PCSK4: variants seen among roughly 807,000 people sequenced by gnomAD.
PCSK4 encodes the protein proprotein convertase subtilisin/kexin type 4, also known as testicular tissue protein Li 135.
A neutral mutation model predicts 80.3 loss-of-function variants in PCSK4; 64 were observed. The ratio of observed to expected loss-of-function variants is 0.80; its 90% confidence interval spans 0.65 to 0.98. The LOEUF (loss-of-function observed/expected upper bound fraction) is 0.98, where lower values mean the gene tolerates loss of function less well. PCSK4 is among the 50% of genes least tolerant of loss of function. The probability of loss-of-function intolerance (pLI) is 0.00; values close to 1 mark genes in which losing one functional copy is unlikely to be tolerated. For synonymous variants in PCSK4, 561 were observed against 487.6 expected (o/e 1.15, Z -1.98); for missense variants, 1,213 against 1,093.6 (o/e 1.11, Z -1.54).
upstream of PCSK4, chr19:1,490,414 G>T: frequency 1.6e-6 from 1 of 628,466 alleles, no homozygotes; most frequent in Non-Finnish European, 2.6e-6. Flanking sequence ...GTGGGCCCAG[G>T]CGTCCGACCC....
chr19:1,484,786 C>T (rs1329132450), intron 8 of PCSK4, among the ~76,000 whole-genome samples: 1 of 152,038 alleles, frequency 6.6e-6, no homozygotes, highest in Non-Finnish European at 1.5e-5. Flanking sequence ...GCACTCCAGC[C>T]TGGGCAACAT....
At chr19:1,485,560 C>G (rs1014425710) in intron 8 of PCSK4, among the ~76,000 whole-genome samples, 1 of 151,632 alleles carries the variant, frequency 6.6e-6, no homozygotes, top group Non-Finnish European at 1.5e-5. Flanking sequence ...GGTGACAGAG[C>G]GAGACTCCAT....
rs1317471292 is a variant in PCSK4, at chr19:1,488,103, A to C, written c.388-11T>G. ...TTGGGCCTCGCTGTTCTGCAGGGGG[A>C]GGCGGGGTTGTGACCCTGTGAGGGC... On this transcript the variant is annotated splice_polypyrimidine_tract_variant and intron_variant, in intron 3 of 14. Coordinates refer to ENST00000300954, the Ensembl canonical transcript of PCSK4. 1.9e-6 allele frequency: 3 copies of C among 1,612,226 alleles called. No homozygotes were observed. Among genetic ancestry groups the C allele is most frequent in the South Asian group, 2.2e-5 (2 of 91,036 alleles).
At chr19:1,490,134 C>T (rs1380333636) in intron 1 of PCSK4, 24 bp downstream of exon 1, 3 of 1,612,528 alleles carry the variant, frequency 1.9e-6, no homozygotes, top group East Asian at 2.2e-5. Flanking sequence ...GCCCCCACTT[C>T]CCGTCTATCC....
intron 8 of PCSK4, among the ~76,000 whole-genome samples, chr19:1,484,833 C>T (rs888354943): frequency 1.3e-5 from 2 of 151,690 alleles, no homozygotes; most frequent in Non-Finnish European, 2.9e-5. Context: ...AAAAATAGTA[C>T]CAAGAACTGA....
chr19:1,482,001 G>A lies in PCSK4; in HGVS notation c.2026C>T (p.Leu676=), dbSNP rs566850451. The A allele has an allele frequency of 2.5e-6, 4 of 1,587,994 alleles. No individual in the cohort carries two copies. In the Admixed American group the frequency reaches 7.0e-5, roughly 28 times the overall value. The change falls in exon 15 of 15, where the codon CTG becomes TTG. Residue 676 remains leucine, a synonymous_variant. Coordinates refer to ENST00000300954, the Ensembl canonical transcript of PCSK4. ...ATGCAGGAGCCCTGCTGCTGGTCCAGCGTGGAGGATGGGGGACAGGAGGTG... is the reference window on the plus strand; with the variant it reads ...ATGCAGGAGCCCTGCTGCTGGTCCAACGTGGAGGATGGGGGACAGGAGGTG...
Position 1,482,341 on chromosome 19 carries a change from G to A in PCSK4, c.1819+12C>T, listed in dbSNP as rs772370260. The A allele has an allele frequency of 2.0e-5, 30 of 1,538,256 alleles. No individual in the cohort carries two copies. The highest frequency in any genetic ancestry group is 8.2e-5 in the African/African-American group (6 of 72,998). On this transcript the variant is annotated intron_variant, in intron 14 of 14. Transcript: ENST00000300954. ...GCCTCCCAGCAGTGGGCCCTGCCCC[G>A]CCGGCACTCACCCTGGCACAGCCCC... is the stretch of plus-strand genomic sequence containing the variant.
chr19:1,482,217 G>C lies in PCSK4; in HGVS notation c.1820-10C>G. On this transcript the variant is annotated splice_polypyrimidine_tract_variant and intron_variant, in intron 14 of 14. Coordinates refer to ENST00000300954, the Ensembl canonical transcript of PCSK4. Reference sequence around the variant, plus strand: ...GCGGGGCCGTCACACGCTGCTCGGGGACACGCACGCAAAGGCCCGTCAGCT... The same window carrying C: ...GCGGGGCCGTCACACGCTGCTCGGGCACACGCACGCAAAGGCCCGTCAGCT... 1 of 1,528,202 alleles carries C rather than the reference G, an allele frequency of 6.5e-7. No homozygotes were observed. Among genetic ancestry groups the C allele is most frequent in the Non-Finnish European group, 8.8e-7 (1 of 1,142,674 alleles). The allele number at this position is 1,528,202 out of a possible 1,614,324, so 94.7% of individuals were successfully genotyped here. A position where few individuals can be genotyped will look rare whatever the true frequency, so the allele number is the denominator to read the frequency against.
rs768795749 is a variant in PCSK4, at chr19:1,490,352, C to G, written c.-6G>C. The G allele has an allele frequency of 1.1e-5, 13 of 1,131,868 alleles. No individual in the cohort carries two copies. The highest frequency in any genetic ancestry group is 1.6e-5 in the Non-Finnish European group (13 of 817,458). The allele number at this position is 1,131,868 out of a possible 1,614,324, so 70.1% of individuals were successfully genotyped here. A position where few individuals can be genotyped will look rare whatever the true frequency, so the allele number is the denominator to read the frequency against. ...GCAATCGGGGCGGGCCGCATGGAGGCGGGGCGGGAGCGGGGCCTGCGCAAA... is the reference window on the plus strand; with the variant it reads ...GCAATCGGGGCGGGCCGCATGGAGGGGGGGCGGGAGCGGGGCCTGCGCAAA... On this transcript the variant is annotated 5_prime_UTR_variant, in exon 1 of 15. Transcript: ENST00000300954.
At chr19:1,482,571 C>G in intron 13 of PCSK4, 96 bp from the exon 14 acceptor site, 2 of 1,463,368 alleles carry the variant, frequency 1.4e-6, no homozygotes, top group Non-Finnish European at 1.8e-6. Flanking sequence ...AGCTCCCACG[C>G]GGGGCCCTGG....
At chr19:1,485,822 G>C (rs566398996) in intron 8 of PCSK4, among the ~76,000 whole-genome samples, 1 of 152,162 alleles carries the variant, frequency 6.6e-6, no homozygotes, top group Non-Finnish European at 1.5e-5. Flanking sequence ...AGTGAGCTGA[G>C]ATCGCGCCAC....
At chr19:1,486,359 C>T (rs1243654168) in intron 8 of PCSK4, among the ~76,000 whole-genome samples, 6 of 151,232 alleles carry the variant, frequency 4.0e-5, no homozygotes, top group African/African-American at 9.7e-5. Context: ...TGCAGTGGCC[C>T]GATCTCGGCT....
chr19:1,483,141 G>T lies in PCSK4; in HGVS notation c.1572-121C>A, dbSNP rs182405784. On this transcript the variant is annotated intron_variant, in intron 12 of 14. Coordinates refer to ENST00000300954, the Ensembl canonical transcript of PCSK4. Reference sequence around the variant, plus strand: ...GGCCGCGTGTCCTCTGGGTGTGGGTGAGGGTGTGACTCGGGGTCCCACCAA... The same window carrying T: ...GGCCGCGTGTCCTCTGGGTGTGGGTTAGGGTGTGACTCGGGGTCCCACCAA... 1.3e-5 allele frequency: 16 copies of T among 1,248,406 alleles called. No individual in the cohort carries two copies. In the Admixed American group the frequency reaches 2.6e-4, roughly 21 times the overall value. 77.3% of individuals were successfully genotyped at this position (1,248,406 alleles called of 1,614,324 possible). A position where few individuals can be genotyped will look rare whatever the true frequency, so the allele number is the denominator to read the frequency against.
At chr19:1,490,208 G>A (rs764495998) in exon 1 of PCSK4, 8 of 1,613,382 alleles carry the variant, frequency 5.0e-6, no homozygotes, top group Non-Finnish European at 6.8e-6. Flanking sequence ...TCGACCTCCC[G>A]GTTACCCTGG....
intron 4 of PCSK4, 43 bp from the exon 5 acceptor site, chr19:1,487,904 A>T: frequency 1.3e-6 from 2 of 1,578,230 alleles, no homozygotes; most frequent in Non-Finnish European, 1.7e-6. Context: ...AGGCGTCCCT[A>T]GGGTGGTGCC....
At position 1,487,815 on chromosome 19, in the gene PCSK4, TG is replaced by T; in HGVS notation, c.562del (p.Gln188SerfsTer58). On this transcript the variant is annotated frameshift_variant, in exon 5 of 15. Coordinates refer to ENST00000300954, the Ensembl canonical transcript of PCSK4. LOFTEE classifies it high-confidence loss of function. ...CTCTTTGCTGGGGGTGTAGCGGGGCTGGGGGTCCGGGTCGTAGTCATTGAAG... is the reference window on the plus strand; with the variant it reads ...CTCTTTGCTGGGGGTGTAGCGGGGCTGGGGTCCGGGTCGTAGTCATTGAAG... 3 of 1,569,946 alleles carry T rather than the reference TG, an allele frequency of 1.9e-6. No individual in the cohort carries two copies. The highest frequency in any genetic ancestry group is 8.6e-7 in the Non-Finnish European group (1 of 1,157,912).
chr19:1,485,077 G>A (rs1302331764), intron 8 of PCSK4, among the ~76,000 whole-genome samples: 1 of 152,042 alleles, frequency 6.6e-6, no homozygotes, highest in Admixed American at 6.6e-5. Flanking sequence ...GAGCCTGGGA[G>A]GTAGAGGTTG....
At chr19:1,481,598 T>C in exon 15 of PCSK4, 6 of 510,178 alleles carry the variant, frequency 1.2e-5, no homozygotes, top group South Asian at 3.9e-5. Flanking sequence ...TCTCTCTCTC[T>C]CTCTCCCGCC....
chr19:1,486,085 G>T (rs1220313675), intron 8 of PCSK4, among the ~76,000 whole-genome samples: 1 of 151,978 alleles, frequency 6.6e-6, no homozygotes, highest in African/African-American at 2.4e-5. Flanking sequence ...CGATTCTCCT[G>T]CCTCAGCCTC....
Sources: allele counts gnomAD v4.1 joint callset (sites outside exome capture counted in the v4.1 genomes callset), GRCh38; gene constraint gnomAD v4.1.1; transcripts MANE v1.5; gene names NCBI Gene and HGNC (gene_info 2026-07-23, HGNC 2026-07-21).